Variants in IMPA2 observed in about 807,000 individuals in gnomAD.
IMPA2 encodes the protein inositol monophosphatase 2.
IMPA2 carries 32 observed loss-of-function variants against 35.1 expected under a neutral mutation model. The ratio of observed to expected loss-of-function variants is 0.91; its 90% confidence interval spans 0.69 to 1.23. IMPA2 has a LOEUF of 1.23. Among genes scored for constraint, IMPA2 ranks in the 50% most tolerant of loss-of-function variants. IMPA2 has a pLI of 0.00. For synonymous variants in IMPA2, 135 were observed against 160.6 expected (o/e 0.84, Z 1.20); for missense variants, 334 against 387.6 (o/e 0.86, Z 1.16).
chr18:11,997,483 T>TG (rs1164392990), intron 1 of IMPA2, among the ~76,000 whole-genome samples: 4 of 143,136 alleles, frequency 2.8e-5, no homozygotes, highest in Non-Finnish European at 6.3e-5. Flanking sequence ...AACATATATC[T>TG]GTTTTTTTTG....
At chr18:12,013,088 G>T (rs1272013408) in intron 4 of IMPA2, among the ~76,000 whole-genome samples, 1 of 152,216 alleles carries the variant, frequency 6.6e-6, no homozygotes, top group Non-Finnish European at 1.5e-5. Flanking sequence ...TACTTCAGGG[G>T]TTGATTGATG....
intron 5 of IMPA2, among the ~76,000 whole-genome samples, chr18:12,018,849 C>G (rs1907652577): frequency 6.6e-6 from 1 of 151,978 alleles, no homozygotes; most frequent in Non-Finnish European, 1.5e-5. Flanking sequence ...TTTTTAGAGA[C>G]AGTCTTGTTC....
At position 12,009,966 on chromosome 18, in the gene IMPA2, G is replaced by A; in HGVS notation, c.314G>A (p.Gly105Asp). The change falls in exon 3 of 8, where the codon GGC (glycine) becomes GAC (aspartate). Residue 105 changes from glycine (G) to aspartate (D), a missense_variant. Transcript: ENST00000269159. ...ACGTGGATCATCGACCCCATCGACG[G>A]CACCTGCAATTTTGTGCACAGGTGA... ...SPTWIIDPID[G>D]TCNFVHRFPT... The A allele has an allele frequency of 6.2e-7, 1 of 1,613,914 alleles. No individual in the cohort carries two copies. Among genetic ancestry groups the A allele is most frequent in the Non-Finnish European group, 8.5e-7 (1 of 1,179,998 alleles).
At chr18:12,012,729 A>C (rs1405581285) in intron 4 of IMPA2, among the ~76,000 whole-genome samples, 3 of 152,192 alleles carry the variant, frequency 2.0e-5, no homozygotes, top group African/African-American at 7.2e-5. Flanking sequence ...TGAGGTTTAA[A>C]GCTTATTAAA....
rs1042591409 is a variant in IMPA2, at chr18:12,022,885, G to A, written c.491-5158G>A. Among the ~76,000 whole-genome samples the A allele has an allele frequency of 6.2e-5, 9 of 145,860 alleles. No individual in the cohort carries two copies. In the East Asian group the frequency reaches 1.8e-3, roughly 29 times the overall value. On this transcript the variant is annotated intron_variant, in intron 5 of 7. Transcript: ENST00000269159. The stretch of plus-strand genomic sequence containing the variant: ...TGCCTCCCAGGTTCAAGCAATTCTT[G>A]TGCTTTAGCCTCTCCAGTAGCTGGG...
chr18:12,008,140 C>T lies in IMPA2; in HGVS notation c.231-1743C>T, dbSNP rs139017974. 3.1e-3 allele frequency among the ~76,000 whole-genome samples: 467 copies of T among 152,162 alleles called. 7 individuals are homozygous for T. The East Asian group carries it at 0.04, about 13-fold the overall frequency. ...TCTCTCAAGTAGCTGGGAGTACAGGCGCCCACCACCACGCCCAGCTAATTT... is the reference window on the plus strand; with the variant it reads ...TCTCTCAAGTAGCTGGGAGTACAGGTGCCCACCACCACGCCCAGCTAATTT... On this transcript the variant is annotated intron_variant, in intron 2 of 7. Coordinates refer to ENST00000269159, the MANE Select transcript of IMPA2 (RefSeq NM_014214.3).
chr18:11,989,233 C>T (rs1053343095), intron 1 of IMPA2, among the ~76,000 whole-genome samples: 5 of 152,190 alleles, frequency 3.3e-5, no homozygotes, highest in Admixed American at 2.0e-4. Flanking sequence ...GAGGTCATTT[C>T]TGAAGTGGTT....
At chr18:12,015,567 G>A (rs1907555414) in intron 5 of IMPA2, among the ~76,000 whole-genome samples, 1 of 152,214 alleles carries the variant, frequency 6.6e-6, no homozygotes, top group Admixed American at 6.5e-5. Flanking sequence ...GCAAAGGAGA[G>A]GAGGTGGCTG....
intron 5 of IMPA2, among the ~76,000 whole-genome samples, chr18:12,024,915 CATT>C (rs145450209): frequency 0.011 from 1,628 of 152,256 alleles, 30 homozygotes; most frequent in African/African-American, 0.037. Context: ...AAATGAGACA[CATT>C]ATTATCACCC....
rs187456203 is a variant in IMPA2, at chr18:11,990,001, G to T, written c.96+8236G>T. 3.9e-5 allele frequency among the ~76,000 whole-genome samples: 6 copies of T among 152,278 alleles called. No homozygotes were observed. The East Asian group carries it at 1.2e-3, about 29-fold the overall frequency. Reference sequence around the variant, plus strand: ...ACATTGAGAAGGAGAGGGGAGTTCCGGAGTCTAGGCCCCTCCCTCTCTCCT... The same window carrying T: ...ACATTGAGAAGGAGAGGGGAGTTCCTGAGTCTAGGCCCCTCCCTCTCTCCT... On this transcript the variant is annotated intron_variant, in intron 1 of 7. Coordinates refer to ENST00000269159, the MANE Select transcript of IMPA2 (RefSeq NM_014214.3).
chr18:12,017,018 CTCTT>C (rs762841528), intron 5 of IMPA2, among the ~76,000 whole-genome samples: 3 of 152,192 alleles, frequency 2.0e-5, no homozygotes, highest in Non-Finnish European at 4.4e-5. Flanking sequence ...TAATCTCTCT[CTCTT>C]TCTCCCTCTC....
At chr18:11,989,926 G>A (rs1248625617) in intron 1 of IMPA2, among the ~76,000 whole-genome samples, 2 of 152,166 alleles carry the variant, frequency 1.3e-5, no homozygotes, top group Non-Finnish European at 2.9e-5. Context: ...CCCCCTCCTC[G>A]AGCTTTAGGG....
intron 5 of IMPA2, among the ~76,000 whole-genome samples, chr18:12,021,142 A>G (rs1907717602): frequency 6.6e-6 from 1 of 152,174 alleles, no homozygotes; most frequent in African/African-American, 2.4e-5. Flanking sequence ...CTGTAATCCC[A>G]GCACTTTGGG....
chr18:11,982,719 G>A (rs1350638415), intron 1 of IMPA2, among the ~76,000 whole-genome samples: 1 of 151,902 alleles, frequency 6.6e-6, no homozygotes, highest in Non-Finnish European at 1.5e-5. Context: ...CTTGAACCTG[G>A]GAGGCGAAGG....
chr18:12,022,556 T>TATATATATATA (rs1568038109), intron 5 of IMPA2, among the ~76,000 whole-genome samples: 2 of 143,946 alleles, frequency 1.4e-5, no homozygotes, highest in South Asian at 2.2e-4. Flanking sequence ...TATATATATA[T>TATATATATATA]TTGTGTGTGT....
intron 1 of IMPA2, among the ~76,000 whole-genome samples, chr18:11,997,328 C>G (rs1906988194): frequency 6.6e-6 from 1 of 152,212 alleles, no homozygotes; most frequent in African/African-American, 2.4e-5. Context: ...CTAGGAAACC[C>G]TGGCCAGAGG....
chr18:12,013,763 T>C lies in IMPA2; in HGVS notation c.382-502T>C, dbSNP rs540647068. The stretch of plus-strand genomic sequence containing the variant: ...GGCCACTGTTCAGCGCACTGCCTGC[T>C]CACGGATCAGTCCCCAGTCTGCGGC... On this transcript the variant is annotated intron_variant, in intron 4 of 7. Coordinates refer to ENST00000269159, the MANE Select transcript of IMPA2 (RefSeq NM_014214.3). Among the ~76,000 whole-genome samples, 13 of 152,294 alleles carry C rather than the reference T, an allele frequency of 8.5e-5. No homozygotes were observed. The East Asian group carries it at 2.5e-3, about 29-fold the overall frequency.
chr18:11,988,974 A>G (rs1326245338), intron 1 of IMPA2, among the ~76,000 whole-genome samples: 1 of 152,112 alleles, frequency 6.6e-6, no homozygotes, highest in Admixed American at 6.6e-5. Flanking sequence ...GGCATGTGTC[A>G]CCATGCCTGG....
chr18:12,015,300 C>A (rs1025326213), intron 5 of IMPA2, among the ~76,000 whole-genome samples: 18 of 152,228 alleles, frequency 1.2e-4, no homozygotes, highest in Admixed American at 1.0e-3. Flanking sequence ...GCCGCCTCCC[C>A]TCTTGACCCA....
Sources: allele counts gnomAD v4.1 joint callset (sites outside exome capture counted in the v4.1 genomes callset), GRCh38; gene constraint gnomAD v4.1.1; transcripts MANE v1.5; gene names NCBI Gene and HGNC (gene_info 2026-07-23, HGNC 2026-07-21).